Variants in PHF21B observed in about 807,000 individuals in gnomAD.
PHF21B encodes PHD finger protein 4.
A neutral mutation model predicts 62.2 loss-of-function variants in PHF21B; 22 were observed. That is an observed-to-expected ratio of 0.35 (90% confidence interval 0.25 to 0.51). PHF21B has a LOEUF of 0.51. Among genes scored for constraint, PHF21B ranks in the 20% least tolerant of loss-of-function variants. PHF21B has a pLI of 0.97. For synonymous variants in PHF21B, 341 were observed against 314.7 expected, an observed-to-expected ratio of 1.08 and a Z score of -0.88; for missense variants, 701 against 707.9, an observed-to-expected ratio of 0.99 and a Z score of 0.11.
Position 44,960,334 on chromosome 22 carries a change from A to G in PHF21B, c.121-39844T>C, listed in dbSNP as rs370712340. Reference sequence around the variant, plus strand: ...AAGACAATTATCTCTTTTTTCCTTCACTGCCCGAAAAATGAGAAAATTCTG... The same window carrying G: ...AAGACAATTATCTCTTTTTTCCTTCGCTGCCCGAAAAATGAGAAAATTCTG... On this transcript the variant is annotated intron_variant, in intron 2 of 12. Transcript: ENST00000313237. Among the ~76,000 whole-genome samples the G allele has an allele frequency of 1.8e-3, 279 of 151,934 alleles. 1 individual carries two copies. Among genetic ancestry groups the G allele is most frequent in the African/African-American group, 6.3e-3 (263 of 41,450 alleles).
chr22:45,004,902 TC>T (rs1201237177), intron 2 of PHF21B, among the ~76,000 whole-genome samples: 1 of 152,160 alleles, frequency 6.6e-6, no homozygotes, highest in Non-Finnish European at 1.5e-5. Context: ...GTGCACAAGG[TC>T]CCAAGCTCAC....
In PHF21B at chr22:44,891,439, C is replaced by T; in HGVS notation, c.961-79G>A. 7 of 1,538,800 alleles carry T rather than the reference C, an allele frequency of 4.5e-6. 1 individual carries two copies. In the South Asian group the frequency reaches 8.2e-5, roughly 18 times the overall value. On this transcript the variant is annotated intron_variant, in intron 7 of 12. Coordinates refer to ENST00000313237, the MANE Select transcript of PHF21B (RefSeq NM_138415.5). ...ATGGTGACGTCACCCCAGGTCAGGACTCTCTCTGGGACAGGGTTCCCACCC... is the reference window on the plus strand; with the variant it reads ...ATGGTGACGTCACCCCAGGTCAGGATTCTCTCTGGGACAGGGTTCCCACCC...
At chr22:44,982,740 G>A (rs535244136) in intron 2 of PHF21B, among the ~76,000 whole-genome samples, 2 of 152,276 alleles carry the variant, frequency 1.3e-5, no homozygotes, top group South Asian at 2.1e-4. Context: ...TAAAATTAAT[G>A]GTGATTTTTA....
In PHF21B at chr22:44,934,283, T is replaced by A. The variant is rs932812939; in HGVS notation, c.121-13793A>T. ...CTGTCCTGGAGCGTGGCGGTGAGGATGTTAGAACAGCCTGGTACCCAGCCA... is the reference window on the plus strand; with the variant it reads ...CTGTCCTGGAGCGTGGCGGTGAGGAAGTTAGAACAGCCTGGTACCCAGCCA... On this transcript the variant is annotated intron_variant, in intron 2 of 12. Transcript: ENST00000313237. Among the ~76,000 whole-genome samples, 5 of 152,174 alleles carry A rather than the reference T, an allele frequency of 3.3e-5. No homozygotes were observed. In the East Asian group the frequency reaches 9.6e-4, roughly 29 times the overall value.
At chr22:44,924,057 A>AGGGG in intron 2 of PHF21B, among the ~76,000 whole-genome samples, 1 of 42,282 alleles carries the variant, frequency 2.4e-5, no homozygotes, top group African/African-American at 9.8e-5. Context: ...AAGAAGAGGG[A>AGGGG]GGGAGGGAGG....
At chr22:44,964,156 C>A (rs1024906688) in intron 2 of PHF21B, among the ~76,000 whole-genome samples, 3 of 152,232 alleles carry the variant, frequency 2.0e-5, no homozygotes, top group African/African-American at 7.2e-5. Flanking sequence ...TACGTATGTG[C>A]TGCCACTAGA....
intron 2 of PHF21B, among the ~76,000 whole-genome samples, chr22:44,955,679 C>T (rs888182051): frequency 2.0e-5 from 3 of 152,214 alleles, no homozygotes; most frequent in Non-Finnish European, 4.4e-5. Flanking sequence ...CCACCAGACC[C>T]TCAGGCCTTA....
intron 2 of PHF21B, among the ~76,000 whole-genome samples, chr22:45,007,384 G>A: frequency 6.6e-6 from 1 of 151,040 alleles, no homozygotes; most frequent in South Asian, 2.1e-4. Flanking sequence ...AATCCCCCGG[G>A]GGAGGGGGCG....
chr22:44,940,977 T>C (rs950891028), intron 2 of PHF21B, among the ~76,000 whole-genome samples: 1 of 152,188 alleles, frequency 6.6e-6, no homozygotes, highest in Non-Finnish European at 1.5e-5. Context: ...ACATTACAAC[T>C]CATTGCAATT....
At chr22:44,985,462 T>C (rs2072928654) in intron 2 of PHF21B, among the ~76,000 whole-genome samples, 1 of 152,086 alleles carries the variant, frequency 6.6e-6, no homozygotes, top group Non-Finnish European at 1.5e-5. Context: ...TAACTGGGTG[T>C]GGTGGCTCAC....
chr22:44,938,476 G>T lies in PHF21B; in HGVS notation c.121-17986C>A, dbSNP rs5766215. Among the ~76,000 whole-genome samples the T allele has an allele frequency of 0.023, 3,431 of 152,288 alleles. 391 individuals carry two copies. The East Asian group carries it at 0.35, about 16-fold the overall frequency. On this transcript the variant is annotated intron_variant, in intron 2 of 12. Transcript: ENST00000313237. ...ATCAACTCCTGATCTCAAGTGGTCC[G>T]CCTGCCTTGGCCTCCCAAAGTGCTG...
At chr22:44,903,904 C>G (rs1412013606) in intron 5 of PHF21B, among the ~76,000 whole-genome samples, 2 of 152,132 alleles carry the variant, frequency 1.3e-5, no homozygotes, top group African/African-American at 4.8e-5. Context: ...GTTTTCATTT[C>G]TCTAAAAGTA....
chr22:44,891,351 G>C lies in PHF21B; in HGVS notation c.970C>G (p.Leu324Val), dbSNP rs767665934. The change falls in exon 8 of 13, where the codon CTG (leucine) becomes GTG (valine). Residue 324 changes from leucine (L) to valine (V), a missense_variant. Coordinates refer to ENST00000313237, the MANE Select transcript of PHF21B (RefSeq NM_138415.5). ...SGLLETERKR[L>V]ASNYLNNPLF... ...GGGTTGTTGAGATAGTTGGAGGCCAGCCGTTTCCTCTGCAGGGACAGAAAA... is the reference window on the plus strand; with the variant it reads ...GGGTTGTTGAGATAGTTGGAGGCCACCCGTTTCCTCTGCAGGGACAGAAAA... 4 of 1,613,946 alleles carry C rather than the reference G, an allele frequency of 2.5e-6. No homozygotes were observed. The highest frequency in any genetic ancestry group is 3.4e-6 in the Non-Finnish European group (4 of 1,179,990).
At chr22:45,003,413 T>C (rs2147535972) in intron 2 of PHF21B, 1 of 152,092 alleles carries the variant, frequency 6.6e-6, no homozygotes, top group South Asian at 2.1e-4. Context: ...GCTTACAGTC[T>C]AGCACAGTAG....
intron 5 of PHF21B, among the ~76,000 whole-genome samples, chr22:44,902,956 C>A (rs1461876952): frequency 1.3e-5 from 2 of 152,284 alleles, no homozygotes; most frequent in East Asian, 3.9e-4. Flanking sequence ...CCTCTCCTGC[C>A]AAGGCAATTG....
intron 2 of PHF21B, among the ~76,000 whole-genome samples, chr22:44,938,472 G>A (rs1446621781): frequency 1.3e-5 from 2 of 152,192 alleles, no homozygotes; most frequent in Non-Finnish European, 2.9e-5. Flanking sequence ...ATCTCAAGTG[G>A]TCCGCCTGCC....
rs780138334 is a variant in PHF21B at position 44,917,169 on chromosome 22, AGGGCAGCC to A, written c.214-547_214-540del. On this transcript the variant is annotated intron_variant, in intron 3 of 12. Transcript: ENST00000313237. ...CGGGCCTGACAGTGAAGGTGTGCAGAGGGCAGCCGGGCAGCCACTGGGTGGTTCAGGCC... is the reference window on the plus strand; with the variant it reads ...CGGGCCTGACAGTGAAGGTGTGCAGAGGGCAGCCACTGGGTGGTTCAGGCC... Among the ~76,000 whole-genome samples, 4 of 152,286 alleles carry A rather than the reference AGGGCAGCC, an allele frequency of 2.6e-5. No homozygotes were observed. The South Asian group carries it at 8.3e-4, about 32-fold the overall frequency.
intron 2 of PHF21B, chr22:45,001,865 A>T (rs2147531480): frequency 6.6e-6 from 1 of 152,294 alleles, no homozygotes; most frequent in Middle Eastern, 3.4e-3. Context: ...CCGTGAGCAC[A>T]CCTCGAGGCC....
chr22:44,938,199 C>T (rs1362774860), intron 2 of PHF21B, among the ~76,000 whole-genome samples: 1 of 151,352 alleles, frequency 6.6e-6, no homozygotes, highest in Non-Finnish European at 1.5e-5. Flanking sequence ...CTCAGTCTCC[C>T]GAGTAGCTGG....
Sources: allele counts gnomAD v4.1 joint callset (sites outside exome capture counted in the v4.1 genomes callset), GRCh38; gene constraint gnomAD v4.1.1; transcripts MANE v1.5; gene names NCBI Gene and HGNC (gene_info 2026-07-23, HGNC 2026-07-21).